RTN4R: variants seen among roughly 807,000 people sequenced by gnomAD.
RTN4R encodes reticulon 4 receptor.
RTN4R carries 4 observed loss-of-function variants against 27.7 expected under a neutral mutation model. The observed-to-expected ratio is 0.14, with a 90% CI of 0.07 to 0.33. The LOEUF (loss-of-function observed/expected upper bound fraction) is 0.33. RTN4R is among the 10% of genes least tolerant of loss of function. The pLI, the probability that RTN4R is intolerant of heterozygous loss-of-function variation, is 1.00. For synonymous variants in RTN4R, 290 were observed against 305.6 expected (o/e 0.95, Z 0.53); for missense variants, 554 against 671.5 (o/e 0.83, Z 1.93).
chr22:20,241,951 C>T lies in RTN4R; in HGVS notation c.1182G>A (p.Pro394=), dbSNP rs138378094. The T allele has an allele frequency of 1.5e-3, 2,339 of 1,608,710 alleles. 4 individuals carry two copies. Among genetic ancestry groups the T allele is most frequent in the Non-Finnish European group, 1.8e-3 (2,076 of 1,179,580 alleles). The part of the protein sequence containing the change: ...FGTLPGSAEP[P]LTAVRPEGSE... ...AGCCCTCGGGCCGCACTGCAGTGAG[C>T]GGGGGCTCAGCAGAGCCAGGCAGAG... Residue 394 remains proline, a synonymous_variant, in exon 2 of 2, where the codon CCG becomes CCA. Coordinates refer to ENST00000043402, the MANE Select transcript of RTN4R (RefSeq NM_023004.6).
At chr22:20,260,812 C>A (rs2051241729) in intron 1 of RTN4R, among the ~76,000 whole-genome samples, 1 of 152,206 alleles carries the variant, frequency 6.6e-6, no homozygotes, top group South Asian at 2.1e-4. Context: ...CCCCATACTT[C>A]TCTCTGAGTC....
rs558642372 is a variant in RTN4R, at chr22:20,261,391, G to A, written c.22+6680C>T. On this transcript the variant is annotated intron_variant, in intron 1 of 1. Coordinates refer to ENST00000043402, the MANE Select transcript of RTN4R (RefSeq NM_023004.6). ...GGCGTGCAAGGGGCCTGGCCTGGAA[G>A]AAGGGGTCCCTGGAGCCAGGTGCAC... Among the ~76,000 whole-genome samples the A allele has an allele frequency of 1.2e-3, 178 of 152,346 alleles. 1 individual carries two copies. Among genetic ancestry groups the A allele is most frequent in the African/African-American group, 4.2e-3 (174 of 41,572 alleles).
At chr22:20,244,819 G>A (rs1353231227) in intron 1 of RTN4R, among the ~76,000 whole-genome samples, 4 of 152,136 alleles carry the variant, frequency 2.6e-5, no homozygotes, top group African/African-American at 4.8e-5. Flanking sequence ...AGGACTCACT[G>A]CCACATTATC....
At chr22:20,245,835 G>A (rs2051137508) in intron 1 of RTN4R, among the ~76,000 whole-genome samples, 1 of 152,126 alleles carries the variant, frequency 6.6e-6, no homozygotes, top group Non-Finnish European at 1.5e-5. Flanking sequence ...TATGAGCTCT[G>A]TCCTTCCTGC....
intron 1 of RTN4R, among the ~76,000 whole-genome samples, chr22:20,243,861 C>A (rs2051124689): frequency 6.6e-6 from 1 of 152,116 alleles, no homozygotes; most frequent in Admixed American, 6.6e-5. Flanking sequence ...GATAGCCTCC[C>A]AGTGGGTTCT....
At position 20,255,626 on chromosome 22, in the gene RTN4R, G is replaced by T. The variant is rs996301527; in HGVS notation, c.22+12445C>A. On this transcript the variant is annotated intron_variant, in intron 1 of 1. Transcript: ENST00000043402. The surrounding 1 kb of genome is among the most constrained non-coding windows in gnomAD (Gnocchi z 4.8). ...CAGCTGCTTCCCTGAACCAGCCTCA[G>T]AGTTCCTGCCTGCCCACCCAGCCCA... 1.3e-5 allele frequency among the ~76,000 whole-genome samples: 2 copies of T among 152,226 alleles called. No individual in the cohort carries two copies. Among genetic ancestry groups the T allele is most frequent in the South Asian group, 4.1e-4 (2 of 4,832 alleles).
chr22:20,262,058 C>G (rs148220813), intron 1 of RTN4R, among the ~76,000 whole-genome samples: 2,017 of 152,252 alleles, frequency 0.013, 51 homozygotes, highest in African/African-American at 0.046. Context: ...GGCCACAGGC[C>G]GGGGACAGAG....
At position 20,268,268 on chromosome 22, in the gene RTN4R, GT is replaced by G. The variant is rs1569044540; in HGVS notation, c.-177del. On this transcript the variant is annotated 5_prime_UTR_variant, in exon 1 of 2. Coordinates refer to ENST00000043402, the MANE Select transcript of RTN4R (RefSeq NM_023004.6). ...GGCTCTGGCTGGGCTCGGGCCGCGG[GT>G]GCGCAGGGCGCGCAGGGCGCACAGG... The G allele has an allele frequency of 3.8e-5, 6 of 158,188 alleles. No individual in the cohort carries two copies. The highest frequency in any genetic ancestry group is 1.8e-4 in the South Asian group (1 of 5,686). 9.8% of individuals were successfully genotyped at this position (158,188 alleles called of 1,614,324 possible). A position where few individuals can be genotyped will look rare whatever the true frequency, so the allele number is the denominator to read the frequency against.
chr22:20,254,525 C>A (rs1451251888), intron 1 of RTN4R, among the ~76,000 whole-genome samples: 3 of 150,194 alleles, frequency 2.0e-5, no homozygotes, highest in African/African-American at 7.4e-5. Context: ...CTTCATAGCT[C>A]TGAGGGGAAA....
In RTN4R at chr22:20,268,286, GCGCACA is replaced by G. The variant is rs1229402048; in HGVS notation, c.-200_-195del. The G allele has an allele frequency of 1.6e-4, 24 of 149,008 alleles. No individual in the cohort carries two copies. Among genetic ancestry groups the G allele is most frequent in the East Asian group, 3.9e-4 (2 of 5,108 alleles). The allele number at this position is 149,008 out of a possible 1,614,324, so 9.2% of individuals were successfully genotyped here. ...GCCGCGGGTGCGCAGGGCGCGCAGGGCGCACAGGGCGAGGGCGGCGGCGGCGCGGGG... is the reference window on the plus strand; with the variant it reads ...GCCGCGGGTGCGCAGGGCGCGCAGGGGGGCGAGGGCGGCGGCGGCGCGGGG... On this transcript the variant is annotated 5_prime_UTR_variant, in exon 1 of 2. Transcript: ENST00000043402.
Position 20,268,292 on chromosome 22 carries a change from A to T in RTN4R, c.-200T>A, listed in dbSNP as rs1569044607. The T allele has an allele frequency of 4.0e-3, 7 of 1,758 alleles. No homozygotes were observed. Among genetic ancestry groups the T allele is most frequent in the African/African-American group, 5.6e-3 (2 of 360 alleles). The allele number at this position is 1,758 out of a possible 1,614,324, so 0.1% of individuals were successfully genotyped here. A position where few individuals can be genotyped will look rare whatever the true frequency, so the allele number is the denominator to read the frequency against. On this transcript the variant is annotated 5_prime_UTR_variant, in exon 1 of 2. Coordinates refer to ENST00000043402, the MANE Select transcript of RTN4R (RefSeq NM_023004.6). ...GGTGCGCAGGGCGCGCAGGGCGCAC[A>T]GGGCGAGGGCGGCGGCGGCGCGGGG...
In RTN4R at chr22:20,241,815, C is replaced by A; in HGVS notation, c.1318G>T (p.Gly440Trp). ...CCTGAGCCTTCTGAGTCACCAGTCC[C>A]GCCACCCCCGCTGCCTGCCTGGCCC... ...RLGQAGSGGG[G>W]TGDSEGSGAL... The change falls in exon 2 of 2, where the codon GGG becomes TGG. Residue 440 changes from glycine to tryptophan, a missense_variant. By Grantham distance (184) the Gly-to-Trp change is radical (BLOSUM62 -2). Transcript: ENST00000043402. The A allele has an allele frequency of 6.3e-7, 1 of 1,584,636 alleles. No homozygotes were observed. Among genetic ancestry groups the A allele is most frequent in the East Asian group, 2.3e-5 (1 of 42,808 alleles).
At chr22:20,249,057 G>A in intron 1 of RTN4R, 1 of 517,690 alleles carries the variant, frequency 1.9e-6, no homozygotes, top group Middle Eastern at 3.4e-4. Flanking sequence ...TGCCCCACAG[G>A]AGGCTTGAGC....
chr22:20,247,520 G>A (rs1360261399), intron 1 of RTN4R, among the ~76,000 whole-genome samples: 2 of 130,866 alleles, frequency 1.5e-5, no homozygotes, highest in African/African-American at 6.0e-5. Flanking sequence ...CTTCTCACAT[G>A]TACACCCACC....
intron 1 of RTN4R, among the ~76,000 whole-genome samples, chr22:20,262,925 A>G (rs2051256294): frequency 6.6e-6 from 1 of 152,226 alleles, no homozygotes; most frequent in Non-Finnish European, 1.5e-5. Flanking sequence ...GGATCCAGGC[A>G]AGCAAGGGAC....
chr22:20,243,450 T>A (rs2051121707), intron 1 of RTN4R: 5 of 576,382 alleles, frequency 8.7e-6, no homozygotes, highest in Non-Finnish European at 1.7e-5. Context: ...AGGTACCTCC[T>A]CAGGACTCCA....
chr22:20,258,942 T>C (rs1397328231), intron 1 of RTN4R, among the ~76,000 whole-genome samples: 1 of 152,010 alleles, frequency 6.6e-6, no homozygotes, highest in Non-Finnish European at 1.5e-5. Context: ...GTGCACTGTC[T>C]CTCAGCCAGG....
intron 1 of RTN4R, among the ~76,000 whole-genome samples, chr22:20,252,452 G>A (rs749188962): frequency 2.6e-5 from 4 of 152,202 alleles, no homozygotes; most frequent in African/African-American, 9.7e-5. Context: ...GGATATCCCT[G>A]TGCTGCATCC....
chr22:20,246,186 T>C (rs2051140004), intron 1 of RTN4R, among the ~76,000 whole-genome samples: 1 of 152,204 alleles, frequency 6.6e-6, no homozygotes, highest in Non-Finnish European at 1.5e-5. Context: ...AGGGGAGGGC[T>C]GGCTCTCCTG....
Sources: allele counts gnomAD v4.1 joint callset (sites outside exome capture counted in the v4.1 genomes callset), GRCh38; gene constraint gnomAD v4.1.1; non-coding constraint Gnocchi (gnomAD v3.1); transcripts MANE v1.5; gene names NCBI Gene and HGNC (gene_info 2026-07-23, HGNC 2026-07-21).